The following TAOK2 variants were observed in gnomAD, a reference collection of about 807,000 sequenced individuals.
The protein encoded by TAOK2 is TAO kinase 2, also known as serine/threonine-protein kinase TAO2.
Under a neutral mutation model 122.5 loss-of-function variants are expected in TAOK2, and 42 were observed. That is an observed-to-expected ratio of 0.34 (90% CI 0.27 to 0.44). TAOK2 has a LOEUF of 0.44. Among genes scored for constraint, TAOK2 ranks in the 20% least tolerant of loss-of-function variants. TAOK2 has a pLI of 1.00. For synonymous variants in TAOK2, 704 were observed against 677.6 expected, an observed-to-expected ratio of 1.04 and a Z score of -0.61; for missense variants, 1,264 against 1,644.9, an observed-to-expected ratio of 0.77 and a Z score of 4.01.
intron 13 of TAOK2, among the ~76,000 whole-genome samples, chr16:29,984,378 G>A (rs1399305272): frequency 6.6e-6 from 1 of 152,210 alleles, no homozygotes; most frequent in African/African-American, 2.4e-5. Context: ...ACAGGAAAAA[G>A]TGTTTAGGCT....
chr16:29,988,483 C>T, downstream of TAOK2: 1 of 1,212,836 alleles, frequency 8.2e-7, no homozygotes, highest in Non-Finnish European at 1.0e-6. Flanking sequence ...GGCCCGGCTC[C>T]ATGACCTCTT....
At chr16:29,990,024 C>T, downstream of TAOK2, 1 of 540,076 alleles carries the variant, frequency 1.9e-6, no homozygotes, top group Non-Finnish European at 3.3e-6. Flanking sequence ...TTGACAAAGC[C>T]ATGTGCCTAT....
Position 29,978,157 on chromosome 16 carries a change from T to C in TAOK2, c.201T>C (p.Asn67=). 6.2e-7 allele frequency: 1 copy of C among 1,614,030 alleles called. No homozygotes were observed. Among genetic ancestry groups the C allele is most frequent in the Non-Finnish European group, 8.5e-7 (1 of 1,179,970 alleles). The change falls in exon 3 of 16, where the codon AAT becomes AAC. Residue 67 remains asparagine (N), a synonymous_variant. Transcript: ENST00000308893. ...TGTCCTACAGTGGGAAGCAGTCCAA[T>C]GAGGTGGGCCAGGTGCAATACAGCC... ...KKMSYSGKQS[N]EKWQDIIKEV...
In TAOK2 at chr16:29,987,960, G is replaced by T. The variant is rs1480117741; in HGVS notation, c.3688G>T (p.Ala1230Ser). Reference sequence around the variant, plus strand: ...GAGGTCACGCACCCGCCAGTCCCGGGCCCTGCCCCCCTGGAGGTAGCTGAC... The same window carrying T: ...GAGGTCACGCACCCGCCAGTCCCGGTCCCTGCCCCCCTGGAGGTAGCTGAC... The part of the protein sequence containing the change: ...GRRSRTRQSR[A>S]LPPWR The change falls in exon 16 of 16, where the codon GCC becomes TCC. Residue 1230 changes from alanine (A) to serine (S), a missense_variant. By Grantham distance (99) the Ala-to-Ser change is moderately conservative. Transcript: ENST00000308893. The T allele has an allele frequency of 1.3e-6, 2 of 1,540,770 alleles. No homozygotes were observed. Among genetic ancestry groups the T allele is most frequent in the Admixed American group, 3.7e-5 (2 of 54,504 alleles).
At chr16:29,978,653 C>T in intron 4 of TAOK2, 146 bp from the exon 5 acceptor site, 2 of 887,082 alleles carry the variant, frequency 2.3e-6, no homozygotes, top group Non-Finnish European at 3.6e-6. Context: ...TCTAGAAACT[C>T]TCCCACCACC....
At chr16:29,991,768 G>A, downstream of TAOK2, 1 of 569,798 alleles carries the variant, frequency 1.8e-6, no homozygotes, top group South Asian at 5.9e-5. The surrounding 1 kb of genome is among the most constrained non-coding windows in gnomAD (Gnocchi z 5.6). Flanking sequence ...CCTCAAGGCT[G>A]CCTGGGAGCC....
downstream of TAOK2, chr16:29,989,513 GTTCCTCCTCTTCCTC>G (rs932143322): frequency 1.8e-5 from 28 of 1,593,494 alleles, no homozygotes; most frequent in Middle Eastern, 1.7e-4. Context: ...TCCCCTGGTT[GTTCCTCCTCTTCCTC>G]TTCCTCCTCT....
At chr16:29,976,166 T>A (rs181633333) in intron 1 of TAOK2, among the ~76,000 whole-genome samples, 1 of 152,270 alleles carries the variant, frequency 6.6e-6, no homozygotes, top group East Asian at 1.9e-4. Context: ...CTTGTGTTGG[T>A]AAAGAGGTCA....
downstream of TAOK2, chr16:29,991,178 G>C (rs138517482): frequency 1.1e-5 from 17 of 1,610,836 alleles, no homozygotes; most frequent in Admixed American, 5.0e-5. The surrounding 1 kb of genome is among the most constrained non-coding windows in gnomAD (Gnocchi z 5.6). Flanking sequence ...GCATGGCTCT[G>C]GGGGGCATCC....
chr16:29,988,905 G>C, downstream of TAOK2: 1 of 985,366 alleles, frequency 1.0e-6, no homozygotes, highest in Non-Finnish European at 1.2e-6. Context: ...GCTGGAATGC[G>C]GATCTGGTCA....
chr16:29,986,561 C>T lies in TAOK2; in HGVS notation c.2289C>T (p.Gly763=). The T allele has an allele frequency of 1.9e-6, 3 of 1,613,804 alleles. No individual in the cohort carries two copies. Among genetic ancestry groups the T allele is most frequent in the Non-Finnish European group, 8.5e-7 (1 of 1,179,868 alleles). The stretch of plus-strand genomic sequence containing the variant: ...CACTCCCCATTCCTGGGGCTCTGGG[C>T]CCACCCAACACAGGCACCCCTATAG... ...GLPLPIPGAL[G]PPNTGTPIEQ... Residue 763 remains glycine, a synonymous_variant, in exon 16 of 16, where the codon GGC becomes GGT. Transcript: ENST00000308893. The surrounding 1 kb of genome is among the most constrained non-coding windows in gnomAD (Gnocchi z 4.2).
rs754079189 is a variant in TAOK2 at position 29,987,505 on chromosome 16, G to A, written c.3233G>A (p.Arg1078His). The stretch of plus-strand genomic sequence containing the variant: ...GTGCGGCAGCAGGGCCCCCGGGTGC[G>A]CCGGGGCATATCTCGACTCTGGTTG... ...RWVRQQGPRV[R>H]RGISRLWLRV... Residue 1078 changes from arginine to histidine, a missense_variant, in exon 16 of 16, where the codon CGC becomes CAC. By Grantham distance (29) the Arg-to-His change is conservative. Transcript: ENST00000308893. The A allele has an allele frequency of 1.5e-5, 24 of 1,602,514 alleles. No individual in the cohort carries two copies. The highest frequency in any genetic ancestry group is 1.2e-4 in the Admixed American group (7 of 58,932).
rs1480951180 is a variant in TAOK2, at chr16:29,982,736, C to G, written c.834C>G (p.His278Gln). ...DRPTSEVLLK[H>Q]RFVLRERPPT... ...ACCTCAGTGCCCTCTTCCCCCAGCA[C>G]CGCTTTGTGCTCCGGGAGCGGCCAC... Residue 278 changes from histidine (H) to glutamine (Q), a missense_variant and splice_region_variant, in exon 11 of 16, where the codon CAC (histidine) becomes CAG (glutamine). Physicochemically the swap from His to Gln is conservative, Grantham distance 24. Around this residue, in one of 4 missense-constraint regions of TAOK2, gnomAD observed 254 missense variants for 503.8 expected, o/e 0.50. Transcript: ENST00000308893. 1.2e-6 allele frequency: 2 copies of G among 1,612,656 alleles called. No homozygotes were observed. The highest frequency in any genetic ancestry group is 1.7e-6 in the Non-Finnish European group (2 of 1,179,268).
chr16:29,981,556 G>A, intron 8 of TAOK2, 105 bp from the exon 9 acceptor site: 1 of 978,106 alleles, frequency 1.0e-6, no homozygotes. Context: ...CATGTGGCAA[G>A]GAAGTCAAGG....
At chr16:29,982,687 G>T (rs567032240) in intron 10 of TAOK2, 47 bp from the exon 11 acceptor site, 44 of 1,585,780 alleles carry the variant, frequency 2.8e-5, no homozygotes, top group South Asian at 1.6e-4. Context: ...TGTGGGTTGT[G>T]GGGGGAAGGG....
At chr16:29,975,339 C>T (rs550756959) in intron 1 of TAOK2, among the ~76,000 whole-genome samples, 1 of 152,312 alleles carries the variant, frequency 6.6e-6, no homozygotes, top group African/African-American at 2.4e-5. Flanking sequence ...CAGTTGAGAA[C>T]GTTGAGGCCG....
Position 29,985,651 on chromosome 16 carries a change from C to T in TAOK2, c.1789-7C>T, listed in dbSNP as rs757185435. The stretch of plus-strand genomic sequence containing the variant: ...TCCTGACCCTGCTTCCCTCTGCACT[C>T]GCCCAGGAGCTCCAGGAGAACCCCA... On this transcript the variant is annotated splice_region_variant and splice_polypyrimidine_tract_variant and intron_variant, in intron 14 of 15. Transcript: ENST00000308893. This position sits in a 1 kb window ranked among gnomAD's most constrained non-coding sequence, Gnocchi z 6.9. 1.6e-5 allele frequency: 26 copies of T among 1,610,834 alleles called. No individual in the cohort carries two copies. Among genetic ancestry groups the T allele is most frequent in the Middle Eastern group, 3.3e-4 (2 of 6,082 alleles).
At position 29,986,136 on chromosome 16, in the gene TAOK2, C is replaced by T; in HGVS notation, c.1993-129C>T. The T allele has an allele frequency of 2.1e-6, 3 of 1,404,428 alleles. No homozygotes were observed. The highest frequency in any genetic ancestry group is 1.4e-5 in the South Asian group (1 of 70,050). 87.0% of individuals were successfully genotyped at this position (1,404,428 alleles called of 1,614,324 possible). A position where few individuals can be genotyped will look rare whatever the true frequency, so the allele number is the denominator to read the frequency against. On this transcript the variant is annotated intron_variant, in intron 15 of 15. Coordinates refer to ENST00000308893, the MANE Select transcript of TAOK2 (RefSeq NM_016151.4). The surrounding 1 kb of genome is among the most constrained non-coding windows in gnomAD (Gnocchi z 4.2). ...GCCAAGGAGCCCTGGCCCCTCACTT[C>T]CTTGATACTGACCAGGCCCTGGGCC...
At chr16:29,991,064 G>C (rs763288873), downstream of TAOK2, 1 of 1,577,200 alleles carries the variant, frequency 6.3e-7, no homozygotes, top group South Asian at 1.2e-5. This position sits in a 1 kb window ranked among gnomAD's most constrained non-coding sequence, Gnocchi z 5.6. Context: ...AGGAGCTGCT[G>C]GCCCTGCAGA....
Sources: allele counts gnomAD v4.1 joint callset (sites outside exome capture counted in the v4.1 genomes callset), GRCh38; gene constraint gnomAD v4.1.1; regional missense constraint gnomAD v4.1.1; non-coding constraint Gnocchi (gnomAD v3.1); transcripts MANE v1.5; gene names NCBI Gene and HGNC (gene_info 2026-07-23, HGNC 2026-07-21).